The following FHL5 variants were observed in gnomAD, a reference collection of about 807,000 sequenced individuals.
FHL5 encodes four and a half LIM domains protein 5.
Under a neutral mutation model 32.0 loss-of-function variants are expected in FHL5, and 33 were observed. That is an observed-to-expected ratio of 1.03 (90% confidence interval 0.78 to 1.38). FHL5 has a LOEUF of 1.38. FHL5 is among the 40% of genes most tolerant of loss of function. The pLI is 0.00. For synonymous variants in FHL5, 114 were observed against 113.6 expected (o/e 1.00, Z -0.02); for missense variants, 336 against 343.9 (o/e 0.98, Z 0.18).
intron 1 of FHL5, among the ~76,000 whole-genome samples, chr6:96,570,899 TTTC>T (rs1303212397): frequency 2.0e-5 from 3 of 152,118 alleles, no homozygotes; most frequent in African/African-American, 2.4e-5. Context: ...TGTGAATTTT[TTTC>T]TTATTTTATT....
intron 1 of FHL5, among the ~76,000 whole-genome samples, chr6:96,571,511 G>T (rs1041868658): frequency 6.6e-6 from 1 of 152,164 alleles, no homozygotes; most frequent in African/African-American, 2.4e-5. Context: ...TGCAGTAGGA[G>T]TTTTCAGCTC....
chr6:96,618,080 T>G lies in FHL5; in HGVS notation c.*2308T>G, dbSNP rs537420364. ...CCTGCAGGTTAAACAAAGCACCACA[T>G]ATGTAGACATAGCACACATATGCAA... On this transcript the variant is annotated 3_prime_UTR_variant, in exon 6 of 6. Transcript: ENST00000450218. Among the ~76,000 whole-genome samples the G allele has an allele frequency of 1.3e-5, 2 of 152,294 alleles. No individual in the cohort carries two copies. The highest frequency in any genetic ancestry group is 4.1e-4 in the South Asian group (2 of 4,828).
intron 4 of FHL5, among the ~76,000 whole-genome samples, chr6:96,610,160 A>G (rs2127974882): frequency 6.6e-6 from 1 of 152,330 alleles, no homozygotes; most frequent in Non-Finnish European, 1.5e-5. Context: ...GCAGATCTTT[A>G]AAAACCAAAA....
chr6:96,593,641 T>C (rs1250776243), intron 1 of FHL5, among the ~76,000 whole-genome samples: 1 of 152,168 alleles, frequency 6.6e-6, no homozygotes, highest in African/African-American at 2.4e-5. Flanking sequence ...TTGACCTCAA[T>C]CTTTGTCCCC....
intron 1 of FHL5, among the ~76,000 whole-genome samples, chr6:96,568,974 T>C (rs1387297689): frequency 6.6e-6 from 1 of 151,824 alleles, no homozygotes; most frequent in African/African-American, 2.4e-5. Flanking sequence ...TTTTCTTTCT[T>C]TCCTTCTAAT....
chr6:96,596,411 C>T (rs976742424), intron 1 of FHL5, among the ~76,000 whole-genome samples: 2 of 152,114 alleles, frequency 1.3e-5, no homozygotes, highest in Admixed American at 1.3e-4. Context: ...AATCTGACAT[C>T]AGACAATTTA....
intron 1 of FHL5, among the ~76,000 whole-genome samples, chr6:96,599,570 ATTGAATTTCTGAACTAC>A (rs1029387466): frequency 1.3e-5 from 2 of 152,170 alleles, no homozygotes; most frequent in African/African-American, 4.8e-5. Context: ...TATTCACGCC[ATTGAATTTCTGAACTAC>A]TCATCTGTCT....
chr6:96,565,026 C>T (rs1184815454), intron 1 of FHL5, among the ~76,000 whole-genome samples: 2 of 151,918 alleles, frequency 1.3e-5, no homozygotes, highest in South Asian at 4.2e-4. Flanking sequence ...AGGCCAAGGT[C>T]GTGGGGATCA....
At chr6:96,595,406 A>T (rs753186672) in intron 1 of FHL5, among the ~76,000 whole-genome samples, 4 of 151,496 alleles carry the variant, frequency 2.6e-5, no homozygotes, top group Non-Finnish European at 5.9e-5. Flanking sequence ...CTGGAATATG[A>T]CATCTTTACT....
At chr6:96,577,023 C>T (rs1770597968) in intron 1 of FHL5, among the ~76,000 whole-genome samples, 1 of 152,178 alleles carries the variant, frequency 6.6e-6, no homozygotes, top group Non-Finnish European at 1.5e-5. Flanking sequence ...TGAGTGAAAG[C>T]TCCAAGTATT....
intron 1 of FHL5, among the ~76,000 whole-genome samples, chr6:96,599,687 C>T (rs78879360): frequency 0.038 from 5,742 of 152,088 alleles, 137 homozygotes; most frequent in African/African-American, 0.052. Flanking sequence ...ATAAAAATTC[C>T]GGGCTTAAAT....
intron 1 of FHL5, among the ~76,000 whole-genome samples, chr6:96,592,981 A>G (rs1770953763): frequency 6.6e-6 from 1 of 152,134 alleles, no homozygotes; most frequent in Non-Finnish European, 1.5e-5. Context: ...TACAACTTGT[A>G]TATTTTTCTC....
chr6:96,564,717 C>A (rs958340062), intron 1 of FHL5, among the ~76,000 whole-genome samples: 1 of 152,074 alleles, frequency 6.6e-6, no homozygotes, highest in African/African-American at 2.4e-5. Context: ...GGAACATGAT[C>A]TCTTTAGAAA....
chr6:96,563,215 G>T lies in FHL5; in HGVS notation c.-153G>T, dbSNP rs1301627989. 2 of 152,218 alleles carry T rather than the reference G, an allele frequency of 1.3e-5. No homozygotes were observed. The highest frequency in any genetic ancestry group is 2.9e-5 in the Non-Finnish European group (2 of 68,060). The allele number at this position is 152,218 out of a possible 1,614,324, so 9.4% of individuals were successfully genotyped here. A position where few individuals can be genotyped will look rare whatever the true frequency, so the allele number is the denominator to read the frequency against. ...TGCAAAGTTGAAAAAGCTGCATGCA[G>T]TTGGAAGGGATCTTCAGATGGTGCT... is the stretch of plus-strand genomic sequence containing the variant. On this transcript the variant is annotated 5_prime_UTR_variant, in exon 1 of 6. Coordinates refer to ENST00000450218, the MANE Select transcript of FHL5 (RefSeq NM_001322466.2).
At chr6:96,573,094 G>T (rs1012050676) in intron 1 of FHL5, among the ~76,000 whole-genome samples, 1 of 152,138 alleles carries the variant, frequency 6.6e-6, no homozygotes, top group African/African-American at 2.4e-5. Flanking sequence ...GTACCAAAAA[G>T]TCATACATAC....
chr6:96,602,422 G>GTTCCT (rs1562062425), intron 1 of FHL5, among the ~76,000 whole-genome samples: 1 of 26,584 alleles, frequency 3.8e-5, no homozygotes, highest in African/African-American at 1.1e-4. Context: ...TATATGCGTT[G>GTTCCT]TTTCTTTTTT....
chr6:96,607,431 T>C (rs1169246936), intron 4 of FHL5, among the ~76,000 whole-genome samples: 1 of 151,224 alleles, frequency 6.6e-6, no homozygotes, highest in Non-Finnish European at 1.5e-5. Flanking sequence ...ACACACGCAG[T>C]TAACTGTTTA....
At chr6:96,583,495 C>G (rs1040178964) in intron 1 of FHL5, among the ~76,000 whole-genome samples, 1 of 152,084 alleles carries the variant, frequency 6.6e-6, no homozygotes, top group Non-Finnish European at 1.5e-5. Context: ...AGTCCTGTCA[C>G]GATACGGTAG....
intron 5 of FHL5, among the ~76,000 whole-genome samples, chr6:96,615,009 T>C (rs922914299): frequency 7.1e-6 from 1 of 140,544 alleles, no homozygotes; most frequent in Non-Finnish European, 1.5e-5. Context: ...GCTGAATGAT[T>C]AGACAAAATC....
Sources: gnomAD v4.1 joint callset for allele counts (sites outside exome capture counted in the v4.1 genomes callset) on GRCh38, gnomAD v4.1.1 for gene constraint, MANE v1.5 for transcripts, NCBI Gene and HGNC (gene_info 2026-07-23, HGNC 2026-07-21) for gene names.